The following E2F3 variants were observed in gnomAD, a reference collection of about 807,000 sequenced individuals.
E2F3 encodes the protein E2F transcription factor 3, also known as transcription factor E2F3.
E2F3 carries 11 observed loss-of-function variants against 44.4 expected under a neutral mutation model. The ratio of observed to expected loss-of-function variants is 0.25; its 90% CI spans 0.16 to 0.41. The LOEUF (loss-of-function observed/expected upper bound fraction) is 0.41, where lower values mean the gene tolerates loss of function less well. E2F3 is among the 10% of genes least tolerant of loss of function. The pLI is 1.00. For synonymous variants in E2F3, 249 were observed against 253.0 expected (o/e 0.98, Z 0.15); for missense variants, 487 against 583.6 (o/e 0.83, Z 1.70).
At chr6:20,403,961 G>C (rs1051570870) in intron 1 of E2F3, 1 of 529,952 alleles carries the variant, frequency 1.9e-6, no homozygotes, top group Non-Finnish European at 3.3e-6. Flanking sequence ...GGTGCTCGAG[G>C]GAAATGAGTA....
chr6:20,475,343 C>T (rs1022988071), intron 1 of E2F3, among the ~76,000 whole-genome samples: 1 of 152,196 alleles, frequency 6.6e-6, no homozygotes, highest in Non-Finnish European at 1.5e-5. Flanking sequence ...TTTAATGGTT[C>T]CATAGGCCTT....
intron 1 of E2F3, among the ~76,000 whole-genome samples, chr6:20,452,995 GTTT>G: frequency 1.1e-3 from 2 of 1,890 alleles, no homozygotes; most frequent in Non-Finnish European, 3.4e-3. Flanking sequence ...CTTTCTTTTT[GTTT>G]GTTTGTTTGT....
intron 2 of E2F3, among the ~76,000 whole-genome samples, chr6:20,480,353 T>C (rs1762180550): frequency 6.6e-6 from 1 of 152,230 alleles, no homozygotes; most frequent in African/African-American, 2.4e-5. Context: ...GCTCAGCATA[T>C]GATAGCGTAA....
intron 1 of E2F3, among the ~76,000 whole-genome samples, chr6:20,411,525 C>G (rs1460308253): frequency 6.6e-6 from 1 of 152,164 alleles, no homozygotes; most frequent in African/African-American, 2.4e-5. Flanking sequence ...CCGGACTTAC[C>G]AAATTAATTA....
At chr6:20,459,137 T>C (rs151192953) in intron 1 of E2F3, among the ~76,000 whole-genome samples, 2,098 of 152,310 alleles carry the variant, frequency 0.014, 19 homozygotes, top group South Asian at 0.033. Flanking sequence ...CCTAGCGTGG[T>C]GGCCGACACC....
rs4134935 is a variant in E2F3, at chr6:20,402,095, AAGAG to A, written c.-131_-128del. ...GTGCGGTGCGGAAAAATAAAAAGAA[AAGAG>A]AGAGAGGGGGCTCGGAAGCGCCGGG... On this transcript the variant is annotated 5_prime_UTR_variant, in exon 1 of 7. Transcript: ENST00000346618. The surrounding 1 kb of genome is among the most constrained non-coding windows in gnomAD (Gnocchi z 5.6). The A allele has an allele frequency of 3.6e-6, 5 of 1,376,438 alleles. No homozygotes were observed. The highest frequency in any genetic ancestry group is 4.7e-6 in the Non-Finnish European group (5 of 1,060,790). 85.3% of individuals were successfully genotyped at this position (1,376,438 alleles called of 1,614,324 possible).
intron 1 of E2F3, among the ~76,000 whole-genome samples, chr6:20,478,800 A>ACT (rs766369344): frequency 5.3e-5 from 8 of 152,032 alleles, no homozygotes; most frequent in Non-Finnish European, 7.4e-5. Flanking sequence ...ACAGAGCAAG[A>ACT]CTCTGTCTTA....
chr6:20,416,517 A>G (rs937299741), intron 1 of E2F3, among the ~76,000 whole-genome samples: 8 of 152,158 alleles, frequency 5.3e-5, no homozygotes, highest in African/African-American at 1.4e-4. Flanking sequence ...TATTTTTTAA[A>G]TGGTTCTAAG....
In E2F3 at chr6:20,402,997, AG is replaced by A. The variant is rs907911043; in HGVS notation, c.393+377del. Among the ~76,000 whole-genome samples, 26 of 147,886 alleles carry A rather than the reference AG, an allele frequency of 1.8e-4. No homozygotes were observed. The highest frequency in any genetic ancestry group is 6.4e-4 in the African/African-American group (26 of 40,392). On this transcript the variant is annotated intron_variant, in intron 1 of 6. Transcript: ENST00000346618. The surrounding 1 kb of genome is among the most constrained non-coding windows in gnomAD (Gnocchi z 5.6). ...GAAGGGGTCACGCCCCGGATGGAGAAGGGGGTGGGGGAGGGAGTAGTGAACT... is the reference window on the plus strand; with the variant it reads ...GAAGGGGTCACGCCCCGGATGGAGAAGGGGTGGGGGAGGGAGTAGTGAACT...
intron 3 of E2F3, 26 bp from the exon 4 acceptor site, chr6:20,482,736 T>C (rs769557126): frequency 6.4e-7 from 1 of 1,570,720 alleles, no homozygotes; most frequent in South Asian, 1.2e-5. Flanking sequence ...TGAGTAGCCA[T>C]GAAGAGTCTG....
chr6:20,423,029 A>G (rs1008967628), intron 1 of E2F3, among the ~76,000 whole-genome samples: 1 of 152,314 alleles, frequency 6.6e-6, no homozygotes, highest in South Asian at 2.1e-4. Context: ...GTGGAGCACA[A>G]TGAAATGTGG....
intron 1 of E2F3, among the ~76,000 whole-genome samples, chr6:20,405,591 G>A (rs966999568): frequency 2.6e-5 from 4 of 152,188 alleles, no homozygotes; most frequent in African/African-American, 9.7e-5. Flanking sequence ...TTGGGAAGCC[G>A]AGGGGGGCGG....
chr6:20,424,992 C>T (rs1012122121), intron 1 of E2F3, among the ~76,000 whole-genome samples: 3 of 152,108 alleles, frequency 2.0e-5, no homozygotes, highest in African/African-American at 4.8e-5. Flanking sequence ...TTGTCTAGGG[C>T]GGGTTATCAG....
intron 1 of E2F3, among the ~76,000 whole-genome samples, chr6:20,456,280 C>G (rs1761306760): frequency 1.3e-5 from 2 of 150,756 alleles, no homozygotes; most frequent in South Asian, 4.2e-4. Context: ...GGAACTCAAC[C>G]AAGGTTTCTT....
chr6:20,431,509 C>T (rs765443553), intron 1 of E2F3, among the ~76,000 whole-genome samples: 50 of 152,230 alleles, frequency 3.3e-4, no homozygotes, highest in South Asian at 1.5e-3. Flanking sequence ...ACCTGTGAGT[C>T]GGAGGGGGGT....
intron 4 of E2F3, among the ~76,000 whole-genome samples, chr6:20,484,501 T>G (rs1762327464): frequency 6.6e-6 from 1 of 152,188 alleles, no homozygotes; most frequent in African/African-American, 2.4e-5. Context: ...CAGTGAGCTG[T>G]AGTGTAAGTA....
At chr6:20,461,879 CT>C (rs1210593988) in intron 1 of E2F3, among the ~76,000 whole-genome samples, 4 of 152,358 alleles carry the variant, frequency 2.6e-5, no homozygotes, top group Admixed American at 2.6e-4. Context: ...CCGTCAACCC[CT>C]GGCTTCAAGC....
intron 1 of E2F3, chr6:20,403,768 C>G: frequency 3.3e-6 from 5 of 1,498,182 alleles, no homozygotes; most frequent in Non-Finnish European, 4.4e-6. Flanking sequence ...CGGGCCCCCT[C>G]TCCAGCCGGC....
intron 6 of E2F3, among the ~76,000 whole-genome samples, chr6:20,488,516 G>T (rs1283493496): frequency 1.3e-5 from 2 of 152,218 alleles, no homozygotes; most frequent in Admixed American, 1.3e-4. Flanking sequence ...CTAAAGTGAG[G>T]AGCAAAGCTG....
Sources: gnomAD v4.1 joint callset for allele counts (sites outside exome capture counted in the v4.1 genomes callset) on GRCh38, gnomAD v4.1.1 for gene constraint, Gnocchi (gnomAD v3.1) non-coding constraint, MANE v1.5 for transcripts, NCBI Gene and HGNC (gene_info 2026-07-23, HGNC 2026-07-21) for gene names.